The following SETD7 variants were observed in gnomAD, a reference collection of about 807,000 sequenced individuals.
SETD7 encodes the protein histone-lysine N-methyltransferase SETD7.
SETD7 carries 16 observed loss-of-function variants against 41.8 expected under a neutral mutation model. The ratio of observed to expected loss-of-function variants is 0.38; its 90% confidence interval spans 0.26 to 0.58. SETD7 has a LOEUF of 0.58. Ranked by LOEUF, SETD7 falls within the 20% of genes least tolerant of loss-of-function variation. The probability of loss-of-function intolerance (pLI) is 0.64; values close to 1 mark genes in which losing one functional copy is unlikely to be tolerated. For synonymous variants in SETD7, 163 were observed against 169.7 expected, an observed-to-expected ratio of 0.96 and a Z score of 0.31; for missense variants, 346 against 459.7, an observed-to-expected ratio of 0.75 and a Z score of 2.26.
intron 5 of SETD7, among the ~76,000 whole-genome samples, chr4:139,522,437 C>CA (rs1727202567): frequency 6.6e-6 from 1 of 152,220 alleles, no homozygotes; most frequent in South Asian, 2.1e-4. Flanking sequence ...TGAAGTAGAA[C>CA]AGGATGTGAC....
intron 7 of SETD7, among the ~76,000 whole-genome samples, chr4:139,499,864 G>C (rs1156845738): frequency 6.6e-6 from 1 of 152,178 alleles, no homozygotes. Flanking sequence ...CCCATACCCA[G>C]AAGAAAGGAA....
chr4:139,547,199 G>T (rs1344255632), intron 1 of SETD7, 150 bp from the exon 2 acceptor site: 7 of 950,062 alleles, frequency 7.4e-6, no homozygotes, highest in Non-Finnish European at 1.1e-5. Context: ...AGGGTAGTCA[G>T]CGTGCAAAAG....
intron 7 of SETD7, among the ~76,000 whole-genome samples, chr4:139,514,109 C>T (rs906166352): frequency 6.6e-6 from 1 of 152,056 alleles, no homozygotes; most frequent in Non-Finnish European, 1.5e-5. Context: ...ATGGTGAAAC[C>T]CCACCTCTAC....
chr4:139,548,362 G>A (rs2111174307), intron 1 of SETD7, among the ~76,000 whole-genome samples: 1 of 152,300 alleles, frequency 6.6e-6, no homozygotes, highest in African/African-American at 2.4e-5. Flanking sequence ...CGGGCATGGT[G>A]GCTCACGCCT....
At chr4:139,531,103 G>C (rs2111149678) in intron 3 of SETD7, among the ~76,000 whole-genome samples, 1 of 152,244 alleles carries the variant, frequency 6.6e-6, no homozygotes, top group South Asian at 2.1e-4. Flanking sequence ...TTCTCTACTG[G>C]GTAGGGGTTA....
chr4:139,529,325 T>C (rs1055449086), intron 3 of SETD7, 105 bp from the exon 4 acceptor site: 1 of 839,750 alleles, frequency 1.2e-6, no homozygotes, highest in African/African-American at 1.7e-5. Flanking sequence ...ATAGCACCAG[T>C]AGGGATAATA....
downstream of SETD7, among the ~76,000 whole-genome samples, chr4:139,505,502 T>A (rs147907493): frequency 3.5e-4 from 52 of 150,636 alleles, no homozygotes; most frequent in African/African-American, 1.2e-3. Flanking sequence ...GGCAGGAGAG[T>A]CGCTTGAATC....
intron 4 of SETD7, among the ~76,000 whole-genome samples, chr4:139,527,146 G>A (rs1727355415): frequency 6.6e-6 from 1 of 152,158 alleles, no homozygotes; most frequent in Admixed American, 6.5e-5. Context: ...TTGCCCCTAG[G>A]CTCCAAACCT....
At chr4:139,544,737 T>C (rs1239125139) in intron 2 of SETD7, among the ~76,000 whole-genome samples, 1 of 152,006 alleles carries the variant, frequency 6.6e-6, no homozygotes, top group Non-Finnish European at 1.5e-5. Context: ...ACAAATCTGC[T>C]GGACTGTTTT....
In SETD7 at chr4:139,507,464, C is replaced by T. The variant is rs1171958863; in HGVS notation, c.*4199G>A. 6.6e-6 allele frequency: 1 copy of T among 152,654 alleles called. No homozygotes were observed. The highest frequency in any genetic ancestry group is 1.5e-5 in the Non-Finnish European group (1 of 68,038). 9.5% of individuals were successfully genotyped at this position (152,654 alleles called of 1,614,324 possible). Reference sequence around the variant, plus strand: ...TAAAAATCAAAATTGATCTGCATTACATCTCAATAGACTCAGATAATTCTC... The same window carrying T: ...TAAAAATCAAAATTGATCTGCATTATATCTCAATAGACTCAGATAATTCTC... On this transcript the variant is annotated 3_prime_UTR_variant, in exon 8 of 8. Transcript: ENST00000274031.
intron 1 of SETD7, among the ~76,000 whole-genome samples, chr4:139,548,892 G>A (rs1050084117): frequency 7.9e-5 from 12 of 152,046 alleles, no homozygotes; most frequent in Admixed American, 3.3e-4. Flanking sequence ...CTTTCTTCTC[G>A]CTCAAAAACT....
Position 139,511,734 on chromosome 4 carries a change from T to TC in SETD7, c.1029dup (p.Lys344GlufsTer5), listed in dbSNP as rs1204883366. ...CACTCAGGGGCTTCAGGCCCACTCT[T>TC]CCCGGGGGGGCTGTGGTCATAGCCA... On this transcript the variant is annotated frameshift_variant, in exon 8 of 8. Transcript: ENST00000274031. LOFTEE classifies it high-confidence loss of function. 1 of 1,614,106 alleles carries TC rather than the reference T, an allele frequency of 6.2e-7. No individual in the cohort carries two copies. The highest frequency in any genetic ancestry group is 8.5e-7 in the Non-Finnish European group (1 of 1,179,990).
intron 2 of SETD7, among the ~76,000 whole-genome samples, chr4:139,542,555 C>T (rs1287255892): frequency 6.6e-6 from 1 of 151,634 alleles, no homozygotes; most frequent in African/African-American, 2.4e-5. Flanking sequence ...TTAAAAATGC[C>T]TATTTCTATA....
chr4:139,555,392 C>G lies in SETD7; in HGVS notation c.40+706G>C, dbSNP rs1317098083. 1.3e-5 allele frequency among the ~76,000 whole-genome samples: 2 copies of G among 151,710 alleles called. No individual in the cohort carries two copies. Among genetic ancestry groups the G allele is most frequent in the Non-Finnish European group, 2.9e-5 (2 of 67,926 alleles). On this transcript the variant is annotated intron_variant, in intron 1 of 7. Transcript: ENST00000274031. This position sits in a 1 kb window ranked among gnomAD's most constrained non-coding sequence, Gnocchi z 4.0. ...CGCCTGCACAGCGTGGCGGCTGCAT[C>G]CCAGCCAAGCAGGAAGGGGGAGGGG...
At chr4:139,542,012 A>G (rs139659993) in intron 2 of SETD7, among the ~76,000 whole-genome samples, 2,956 of 152,334 alleles carry the variant, frequency 0.019, 35 homozygotes, top group Middle Eastern at 0.034. Flanking sequence ...ATGAATGAAT[A>G]AAGAAAATGT....
At chr4:139,521,894 T>A (rs1054047395) in intron 5 of SETD7, among the ~76,000 whole-genome samples, 3 of 152,248 alleles carry the variant, frequency 2.0e-5, no homozygotes, top group Admixed American at 2.0e-4. Context: ...GAACCCAACT[T>A]GAAACCTGGA....
chr4:139,543,069 C>T (rs993074965), intron 2 of SETD7, among the ~76,000 whole-genome samples: 2 of 152,216 alleles, frequency 1.3e-5, no homozygotes, highest in African/African-American at 4.8e-5. Flanking sequence ...ATCAGCATAA[C>T]AGGTTTCAAC....
intron 7 of SETD7, among the ~76,000 whole-genome samples, chr4:139,513,995 T>A (rs1227204195): frequency 6.6e-6 from 1 of 152,208 alleles, no homozygotes; most frequent in African/African-American, 2.4e-5. Flanking sequence ...TTAAAATATT[T>A]CACTTGGCTG....
intron 7 of SETD7, among the ~76,000 whole-genome samples, chr4:139,517,415 C>T (rs1029553054): frequency 4.9e-5 from 7 of 141,992 alleles, no homozygotes; most frequent in African/African-American, 1.1e-4. Flanking sequence ...GCAGAGGTTG[C>T]GGTGAGCTGA....
Sources: allele counts gnomAD v4.1 joint callset (sites outside exome capture counted in the v4.1 genomes callset), GRCh38; gene constraint gnomAD v4.1.1; non-coding constraint Gnocchi (gnomAD v3.1); transcripts MANE v1.5; gene names NCBI Gene and HGNC (gene_info 2026-07-23, HGNC 2026-07-21).